The following MTG2 variants were observed in gnomAD, a reference collection of about 807,000 sequenced individuals.
MTG2 encodes mitochondrial ribosome-associated GTPase 2.
In MTG2, 23 loss-of-function variants were observed where a neutral mutation model predicts 28.6. The ratio of observed to expected loss-of-function variants is 0.80; its 90% CI spans 0.58 to 1.14. The LOEUF (loss-of-function observed/expected upper bound fraction) is 1.14, where lower values mean the gene tolerates loss of function less well. MTG2 is among the 50% of genes most tolerant of loss of function. The pLI is 0.00. For missense variants in MTG2, 539 were observed against 552.0 expected, an observed-to-expected ratio of 0.98 and a Z score of 0.24; for synonymous variants, 260 against 251.8, an observed-to-expected ratio of 1.03 and a Z score of -0.31.
chr20:62,200,635 G>T (rs780875069), intron 6 of MTG2, 48 bp from the exon 7 acceptor site: 1 of 1,535,456 alleles, frequency 6.5e-7, no homozygotes, highest in South Asian at 1.3e-5. Flanking sequence ...GCTCTTGGGT[G>T]CTGGGTGTGC....
In MTG2 at chr20:62,200,896, T is replaced by C. The variant is rs2058157629; in HGVS notation, c.1040T>C (p.Ile347Thr). The change falls in exon 7 of 7, where the codon ATT becomes ACT. Residue 347 changes from isoleucine (I) to threonine (T), a missense_variant. Ile to Thr is a moderately conservative substitution (Grantham distance 89). Coordinates refer to ENST00000370823, the MANE Select transcript of MTG2 (RefSeq NM_015666.4). ...CCCCACGCAATCGTCGCAAACAAGA[T>C]TGACCTCCCTGAAGCCCAAGCCAAT... ...ARPHAIVANK[I>T]DLPEAQANLS... The C allele has an allele frequency of 6.2e-7, 1 of 1,613,992 alleles. No homozygotes were observed. The highest frequency in any genetic ancestry group is 8.5e-7 in the Non-Finnish European group (1 of 1,180,036).
chr20:62,184,743 A>C (rs1017096919), intron 1 of MTG2, among the ~76,000 whole-genome samples: 1 of 152,200 alleles, frequency 6.6e-6, no homozygotes, highest in Admixed American at 6.5e-5. Context: ...GCTGGTCTGG[A>C]AAAGCAAATG....
intron 2 of MTG2, among the ~76,000 whole-genome samples, chr20:62,194,207 T>C (rs1489909083): frequency 6.6e-6 from 1 of 152,246 alleles, no homozygotes; most frequent in East Asian, 1.9e-4. Flanking sequence ...CAAAACCTCC[T>C]ATTTAAAGCA....
intron 1 of MTG2, among the ~76,000 whole-genome samples, chr20:62,191,306 A>G (rs766484134): frequency 6.6e-6 from 1 of 152,040 alleles, no homozygotes; most frequent in Non-Finnish European, 1.5e-5. Flanking sequence ...CACTGCTGAG[A>G]CCGGGGCCCA....
rs935938350 is a variant in MTG2, at chr20:62,201,593, C to T, written c.*516C>T. ...CCCTGCGGTACCGCAAGCCCAGGCACCAGTGTCTCGGGGGGCCTCACTGCT... is the reference window on the plus strand; with the variant it reads ...CCCTGCGGTACCGCAAGCCCAGGCATCAGTGTCTCGGGGGGCCTCACTGCT... On this transcript the variant is annotated 3_prime_UTR_variant, in exon 7 of 7. Coordinates refer to ENST00000370823, the MANE Select transcript of MTG2 (RefSeq NM_015666.4). 2 of 153,138 alleles carry T rather than the reference C, an allele frequency of 1.3e-5. No individual in the cohort carries two copies. The highest frequency in any genetic ancestry group is 2.4e-5 in the African/African-American group (1 of 41,464). 9.5% of individuals were successfully genotyped at this position (153,138 alleles called of 1,614,324 possible).
At chr20:62,191,283 C>G (rs2057953323) in intron 1 of MTG2, among the ~76,000 whole-genome samples, 1 of 152,114 alleles carries the variant, frequency 6.6e-6, no homozygotes, top group Non-Finnish European at 1.5e-5. Context: ...GCAGACTTTC[C>G]TACAGGGAGA....
At chr20:62,188,348 C>G (rs1372342482) in intron 1 of MTG2, among the ~76,000 whole-genome samples, 2 of 151,914 alleles carry the variant, frequency 1.3e-5, no homozygotes, top group Admixed American at 6.6e-5. Context: ...TATACTTCCC[C>G]CCAGCCCCAC....
rs2058181983 is a variant in MTG2 at position 62,202,112 on chromosome 20, C to G, written c.*1035C>G. ...CTGCATTTGACCGTCGAGACTGCAG[C>G]AGCGCCTTTCCTGTCTGTGGTTTAA... On this transcript the variant is annotated 3_prime_UTR_variant, in exon 7 of 7. Transcript: ENST00000370823. 2.0e-5 allele frequency: 3 copies of G among 152,288 alleles called. No individual in the cohort carries two copies. Among genetic ancestry groups the G allele is most frequent in the Non-Finnish European group, 2.9e-5 (2 of 68,084 alleles). The allele number at this position is 152,288 out of a possible 1,614,324, so 9.4% of individuals were successfully genotyped here. A position where few individuals can be genotyped will look rare whatever the true frequency, so the allele number is the denominator to read the frequency against.
At position 62,202,355 on chromosome 20, in the gene MTG2, G is replaced by A. The variant is rs1485957940; in HGVS notation, c.*1278G>A. 1 of 153,842 alleles carries A rather than the reference G, an allele frequency of 6.5e-6. No homozygotes were observed. Among genetic ancestry groups the A allele is most frequent in the Non-Finnish European group, 1.4e-5 (1 of 69,308 alleles). The allele number at this position is 153,842 out of a possible 1,614,324, so 9.5% of individuals were successfully genotyped here. A position where few individuals can be genotyped will look rare whatever the true frequency, so the allele number is the denominator to read the frequency against. ...AGAGGCTGTCGTGGGAGGATCATGT[G>A]AGCCTGGGAGGTCAAGGCTGCAGTG... is the stretch of plus-strand genomic sequence containing the variant. On this transcript the variant is annotated 3_prime_UTR_variant, in exon 7 of 7. Transcript: ENST00000370823.
At chr20:62,185,029 G>C (rs765392124) in intron 1 of MTG2, among the ~76,000 whole-genome samples, 2 of 152,056 alleles carry the variant, frequency 1.3e-5, no homozygotes, top group Non-Finnish European at 2.9e-5. Flanking sequence ...TGGATCACTT[G>C]AACCCATGAG....
chr20:62,184,209 GT>G (rs2057789621), intron 1 of MTG2, among the ~76,000 whole-genome samples: 2 of 152,106 alleles, frequency 1.3e-5, no homozygotes, highest in Non-Finnish European at 2.9e-5. Flanking sequence ...ATACAAAAAA[GT>G]AGCCGGGCGT....
chr20:62,186,307 T>G (rs901527853), intron 1 of MTG2, among the ~76,000 whole-genome samples: 1 of 152,194 alleles, frequency 6.6e-6, no homozygotes, highest in African/African-American at 2.4e-5. Flanking sequence ...TGAAAAATAC[T>G]TAGAACAGTA....
chr20:62,201,222 T>G lies in MTG2; in HGVS notation c.*145T>G. 1.3e-5 allele frequency: 13 copies of G among 974,728 alleles called. No individual in the cohort carries two copies. The highest frequency in any genetic ancestry group is 1.9e-5 in the Non-Finnish European group (13 of 681,678). 60.4% of individuals were successfully genotyped at this position (974,728 alleles called of 1,614,324 possible). A position where few individuals can be genotyped will look rare whatever the true frequency, so the allele number is the denominator to read the frequency against. Reference sequence around the variant, plus strand: ...CTGGGCCCCGCCTGCTGGCCTGAGATGCCCTCATGTTGGGAAGCATTCCGT... The same window carrying G: ...CTGGGCCCCGCCTGCTGGCCTGAGAGGCCCTCATGTTGGGAAGCATTCCGT... On this transcript the variant is annotated 3_prime_UTR_variant, in exon 7 of 7. Coordinates refer to ENST00000370823, the MANE Select transcript of MTG2 (RefSeq NM_015666.4).
At chr20:62,191,198 C>T (rs2057951566) in intron 1 of MTG2, among the ~76,000 whole-genome samples, 1 of 152,080 alleles carries the variant, frequency 6.6e-6, no homozygotes, top group South Asian at 2.1e-4. Flanking sequence ...GCTCGGGAGT[C>T]AGGAGAGGCT....
intron 1 of MTG2, among the ~76,000 whole-genome samples, chr20:62,192,743 G>A (rs1036217959): frequency 3.3e-5 from 5 of 152,054 alleles, no homozygotes; most frequent in African/African-American, 7.2e-5. Flanking sequence ...CACCCCTATC[G>A]CCCCTGTCAC....
intron 2 of MTG2, 121 bp from the exon 3 acceptor site, chr20:62,195,681 C>A: frequency 8.3e-7 from 1 of 1,203,522 alleles, no homozygotes; most frequent in Non-Finnish European, 1.2e-6. Flanking sequence ...ATATTAGTGT[C>A]ATTAACCTCT....
chr20:62,190,810 T>C (rs2057944388), intron 1 of MTG2, among the ~76,000 whole-genome samples: 1 of 152,214 alleles, frequency 6.6e-6, no homozygotes, highest in African/African-American at 2.4e-5. Flanking sequence ...GGGATGCCTT[T>C]GCACCTTGTC....
intron 3 of MTG2, among the ~76,000 whole-genome samples, chr20:62,196,669 C>CA (rs1601097926): frequency 6.8e-6 from 1 of 148,050 alleles, no homozygotes; most frequent in South Asian, 2.2e-4. Context: ...GACCCTATCT[C>CA]AAAAAAACAA....
At chr20:62,193,924 G>A in intron 2 of MTG2, 1 of 298,338 alleles carries the variant, frequency 3.4e-6, no homozygotes, top group Non-Finnish European at 6.3e-6. Flanking sequence ...CCTTTCATAT[G>A]TGTGGCTATT....
Sources: gnomAD v4.1 joint callset for allele counts (sites outside exome capture counted in the v4.1 genomes callset) on GRCh38, gnomAD v4.1.1 for gene constraint, MANE v1.5 for transcripts, NCBI Gene and HGNC (gene_info 2026-07-23, HGNC 2026-07-21) for gene names.